SSU72: variants seen among roughly 807,000 people sequenced by gnomAD.
SSU72 encodes the protein SSU72 homolog, RNA polymerase II CTD phosphatase.
In SSU72, 12 loss-of-function variants were observed where a neutral mutation model predicts 22.7. The ratio of observed to expected loss-of-function variants is 0.53; its 90% CI spans 0.34 to 0.86. The LOEUF (loss-of-function observed/expected upper bound fraction) is 0.86, where lower values mean the gene tolerates loss of function less well. Among genes scored for constraint, SSU72 ranks in the 40% least tolerant of loss-of-function variants. The probability of loss-of-function intolerance (pLI) is 0.02; values close to 1 mark genes in which losing one functional copy is unlikely to be tolerated. For missense variants in SSU72, 151 were observed against 249.8 expected (o/e 0.60, Z 2.67); for synonymous variants, 116 against 98.3 (o/e 1.18, Z -1.06).
chr1:1,568,442 T>TA (rs1642688382), intron 1 of SSU72, among the ~76,000 whole-genome samples: 1 of 148,392 alleles, frequency 6.7e-6, no homozygotes, highest in African/African-American at 2.5e-5. Flanking sequence ...AAAAAAAAAA[T>TA]AAAAAAATAA....
At chr1:1,557,607 C>A (rs1642536640) in intron 2 of SSU72, among the ~76,000 whole-genome samples, 1 of 151,860 alleles carries the variant, frequency 6.6e-6, no homozygotes, top group African/African-American at 2.4e-5. Context: ...CATGTCTGGC[C>A]AACGTGGTGA....
rs1553133080 is a variant in SSU72 at position 1,573,265 on chromosome 1, C to CAAAG, written c.80+1212_80+1213insCTTT. Among the ~76,000 whole-genome samples the CAAAG allele has an allele frequency of 1.9e-3, 249 of 131,298 alleles. 11 individuals carry two copies. The East Asian group carries it at 0.05, about 27-fold the overall frequency. The allele number at this position is 131,298 out of a possible 152,430, so 86.1% of individuals were successfully genotyped here. A position where few individuals can be genotyped will look rare whatever the true frequency, so the allele number is the denominator to read the frequency against. ...TGAAACTCCGTCTCTACTAAAAATACAAAAAAAAAAAAAAATTAGCCGTGC... is the reference window on the plus strand; with the variant it reads ...TGAAACTCCGTCTCTACTAAAAATACAAAGAAAAAAAAAAAAAAATTAGCCGTGC... On this transcript the variant is annotated intron_variant, in intron 1 of 4. Coordinates refer to ENST00000291386, the MANE Select transcript of SSU72 (RefSeq NM_014188.3).
chr1:1,565,867 G>A (rs1642655330), intron 1 of SSU72, among the ~76,000 whole-genome samples: 1 of 152,208 alleles, frequency 6.6e-6, no homozygotes. Flanking sequence ...AAGAGAGGTC[G>A]TCTCCAAACA....
At chr1:1,560,067 G>A (rs1396067759) in intron 2 of SSU72, among the ~76,000 whole-genome samples, 1 of 152,146 alleles carries the variant, frequency 6.6e-6, no homozygotes, top group Non-Finnish European at 1.5e-5. Context: ...CTGTTGGCCA[G>A]GTTGGTCTCA....
intron 2 of SSU72, among the ~76,000 whole-genome samples, chr1:1,549,987 AAAG>A (rs1227290123): frequency 6.6e-6 from 1 of 150,522 alleles, no homozygotes; most frequent in African/African-American, 2.4e-5. Flanking sequence ...AAAAAAAAAA[AAAG>A]ATGGCAAAAC....
chr1:1,566,032 G>A (rs1642656856), intron 1 of SSU72, among the ~76,000 whole-genome samples: 1 of 151,800 alleles, frequency 6.6e-6, no homozygotes, highest in South Asian at 2.1e-4. Context: ...CGAGACAAAT[G>A]GATCACCTGA....
At chr1:1,549,448 A>T (rs940893060) in intron 2 of SSU72, among the ~76,000 whole-genome samples, 1 of 150,942 alleles carries the variant, frequency 6.6e-6, no homozygotes, top group Non-Finnish European at 1.5e-5. Flanking sequence ...GTGAACCCGG[A>T]GGCGGAGCTT....
chr1:1,564,399 C>T (rs538950726), intron 2 of SSU72: 2 of 1,359,208 alleles, frequency 1.5e-6, no homozygotes, highest in Non-Finnish European at 1.9e-6. Flanking sequence ...CGCACGCACA[C>T]ACGCACGCAC....
At chr1:1,567,318 A>AT (rs1329484922) in intron 1 of SSU72, among the ~76,000 whole-genome samples, 2 of 152,126 alleles carry the variant, frequency 1.3e-5, no homozygotes, top group Non-Finnish European at 2.9e-5. Flanking sequence ...CAGTCCTTAC[A>AT]TCCCTAGATA....
In SSU72 at chr1:1,550,425, G is replaced by A. The variant is rs75446099; in HGVS notation, c.225-5423C>T. 8.2e-3 allele frequency among the ~76,000 whole-genome samples: 1,250 copies of A among 152,362 alleles called. 20 individuals are homozygous for A. Among genetic ancestry groups the A allele is most frequent in the African/African-American group, 0.029 (1,189 of 41,572 alleles). On this transcript the variant is annotated intron_variant, in intron 2 of 4. Transcript: ENST00000291386. Reference sequence around the variant, plus strand: ...TTCAGGCAATTTTCAGCAGACATGAGTTTAACCCTAACCATGACTTTCCTG... The same window carrying A: ...TTCAGGCAATTTTCAGCAGACATGAATTTAACCCTAACCATGACTTTCCTG...
chr1:1,550,213 T>C (rs1351998204), intron 2 of SSU72, among the ~76,000 whole-genome samples: 1 of 149,142 alleles, frequency 6.7e-6, no homozygotes, highest in Non-Finnish European at 1.5e-5. Context: ...TATATGTATA[T>C]AAATCATGGC....
chr1:1,571,499 G>C (rs920433680), intron 1 of SSU72, among the ~76,000 whole-genome samples: 7 of 150,352 alleles, frequency 4.7e-5, no homozygotes, highest in African/African-American at 1.7e-4. Context: ...CCATATTCAT[G>C]ATATCCATAA....
rs751308452 is a variant in SSU72 at position 1,554,261 on chromosome 1, CG to C, written c.225-9260del. Among the ~76,000 whole-genome samples, 5 of 145,758 alleles carry C rather than the reference CG, an allele frequency of 3.4e-5. No homozygotes were observed. Among genetic ancestry groups the C allele is most frequent in the Non-Finnish European group, 7.5e-5 (5 of 66,662 alleles). ...GAGCATGAGGCGGACCCGGACCACT[CG>C]GGGGCCCCCACGAAGCTGAGCACGA... On this transcript the variant is annotated intron_variant, in intron 2 of 4. Transcript: ENST00000291386. The surrounding 1 kb of genome is among the most constrained non-coding windows in gnomAD (Gnocchi z 4.1).
At chr1:1,574,240 A>C (rs1642777388) in intron 1 of SSU72, among the ~76,000 whole-genome samples, 1 of 151,620 alleles carries the variant, frequency 6.6e-6, no homozygotes, top group East Asian at 2.0e-4. Context: ...GGCCTCGGAG[A>C]GCTCGAAGGA....
intron 2 of SSU72, among the ~76,000 whole-genome samples, chr1:1,555,518 A>G (rs1488368013): frequency 2.6e-5 from 4 of 152,138 alleles, no homozygotes; most frequent in Admixed American, 2.0e-4. Context: ...GTGGGTGACA[A>G]GAACAGCCGA....
chr1:1,572,393 A>C (rs1642742062), intron 1 of SSU72, among the ~76,000 whole-genome samples: 1 of 148,220 alleles, frequency 6.7e-6, no homozygotes, highest in Non-Finnish European at 1.5e-5. Flanking sequence ...GCACCACTGC[A>C]CTCCAGCCTG....
chr1:1,555,089 G>C (rs1642504534), intron 2 of SSU72, among the ~76,000 whole-genome samples: 1 of 152,138 alleles, frequency 6.6e-6, no homozygotes, highest in Non-Finnish European at 1.5e-5. Flanking sequence ...TTATTGGCCA[G>C]ATTGTCCCGG....
chr1:1,564,575 C>G, intron 2 of SSU72, 198 bp downstream of exon 2: 1 of 1,597,446 alleles, frequency 6.3e-7, no homozygotes, highest in South Asian at 1.1e-5. Flanking sequence ...CCTCACCACG[C>G]CTACTGCCAT....
chr1:1,574,271 C>T (rs1642778731), intron 1 of SSU72, among the ~76,000 whole-genome samples: 1 of 152,036 alleles, frequency 6.6e-6, no homozygotes, highest in African/African-American at 2.4e-5. Flanking sequence ...GCGGGCGCCT[C>T]GTCCCGGAAC....
Sources: allele counts gnomAD v4.1 joint callset (sites outside exome capture counted in the v4.1 genomes callset), GRCh38; gene constraint gnomAD v4.1.1; non-coding constraint Gnocchi (gnomAD v3.1); transcripts MANE v1.5; gene names NCBI Gene and HGNC (gene_info 2026-07-23, HGNC 2026-07-21).